CNTN3: variants seen among roughly 807,000 people sequenced by gnomAD.
CNTN3 encodes contactin-3.
CNTN3 carries 60 observed loss-of-function variants against 119.1 expected under a neutral mutation model. The ratio of observed to expected loss-of-function variants is 0.50; its 90% CI spans 0.41 to 0.62. The LOEUF (loss-of-function observed/expected upper bound fraction) is 0.62, where lower values mean the gene tolerates loss of function less well. Ranked by LOEUF, CNTN3 falls within the 20% of genes least tolerant of loss-of-function variation. The pLI, the probability that CNTN3 is intolerant of heterozygous loss-of-function variation, is 0.00. For missense variants in CNTN3, 1,101 were observed against 1,242.4 expected, an observed-to-expected ratio of 0.89 and a Z score of 1.71; for synonymous variants, 450 against 438.7, an observed-to-expected ratio of 1.03 and a Z score of -0.32.
intron 5 of CNTN3, among the ~76,000 whole-genome samples, chr3:74,422,595 C>A (rs1230132236): frequency 3.9e-5 from 6 of 152,154 alleles, no homozygotes; most frequent in African/African-American, 7.2e-5. Flanking sequence ...TCTGTGCATA[C>A]TTAGGCAACC....
At chr3:74,612,313 C>T (rs1331412930) in intron 1 of CNTN3, among the ~76,000 whole-genome samples, 1 of 152,208 alleles carries the variant, frequency 6.6e-6, no homozygotes, top group Non-Finnish European at 1.5e-5. Flanking sequence ...AAAGGAAAGG[C>T]TACAGCTTGT....
intron 1 of CNTN3, among the ~76,000 whole-genome samples, chr3:74,610,026 CAA>C (rs1393291489): frequency 6.6e-6 from 1 of 151,912 alleles, no homozygotes; most frequent in Non-Finnish European, 1.5e-5. Flanking sequence ...GAGTAGCAGT[CAA>C]AAACTCTATG....
At chr3:74,355,439 G>C (rs990833009) in intron 11 of CNTN3, among the ~76,000 whole-genome samples, 1 of 148,120 alleles carries the variant, frequency 6.8e-6, no homozygotes, top group Non-Finnish European at 1.5e-5. Context: ...CCATCTGCTG[G>C]TACCAGTGTT....
intron 1 of CNTN3, among the ~76,000 whole-genome samples, chr3:74,529,879 G>A (rs1487075530): frequency 1.3e-5 from 2 of 151,808 alleles, no homozygotes; most frequent in African/African-American, 2.4e-5. Flanking sequence ...ATCATGGAAG[G>A]AGAGTGATCT....
chr3:74,528,566 C>A (rs928383998), intron 1 of CNTN3, among the ~76,000 whole-genome samples: 2 of 151,752 alleles, frequency 1.3e-5, no homozygotes, highest in African/African-American at 2.4e-5. Flanking sequence ...TCTGTTATCA[C>A]CCCCCATTTT....
chr3:74,346,768 TCCA>T (rs1160561191), intron 11 of CNTN3, among the ~76,000 whole-genome samples: 2 of 151,728 alleles, frequency 1.3e-5, no homozygotes, highest in Non-Finnish European at 2.9e-5. Context: ...CATCCATCCA[TCCA>T]TCCATCCATC....
At chr3:74,600,531 G>A (rs941523727) in intron 1 of CNTN3, among the ~76,000 whole-genome samples, 1 of 152,038 alleles carries the variant, frequency 6.6e-6, no homozygotes, top group Non-Finnish European at 1.5e-5. Context: ...CTGGTAAAAT[G>A]CATTCTAAGA....
chr3:74,311,599 T>A (rs1702686351), intron 13 of CNTN3, among the ~76,000 whole-genome samples: 1 of 152,200 alleles, frequency 6.6e-6, no homozygotes, highest in Non-Finnish European at 1.5e-5. Context: ...AGTAGAATGA[T>A]TTTCTTTCTG....
intron 20 of CNTN3, among the ~76,000 whole-genome samples, chr3:74,279,596 G>A (rs1024338883): frequency 4.6e-5 from 7 of 151,236 alleles, no homozygotes; most frequent in African/African-American, 1.5e-4. Flanking sequence ...CTATGAGGAC[G>A]CAAAGGCGTA....
intron 4 of CNTN3, among the ~76,000 whole-genome samples, chr3:74,428,931 A>G (rs1701739941): frequency 6.6e-6 from 1 of 152,198 alleles, no homozygotes; most frequent in Admixed American, 6.5e-5. Context: ...TGCCTACAGT[A>G]TTAAGTAAAG....
intron 1 of CNTN3, among the ~76,000 whole-genome samples, chr3:74,570,397 A>G (rs1358638729): frequency 2.0e-5 from 3 of 152,108 alleles, no homozygotes; most frequent in Admixed American, 2.0e-4. Context: ...CTGTTCATGT[A>G]GAGAATTCTG....
At chr3:74,419,551 C>T (rs1701585015) in intron 5 of CNTN3, among the ~76,000 whole-genome samples, 1 of 152,222 alleles carries the variant, frequency 6.6e-6, no homozygotes, top group African/African-American at 2.4e-5. Flanking sequence ...TGGCATCTCA[C>T]ATTCTCGTTT....
chr3:74,610,111 T>C (rs926054016), intron 1 of CNTN3, among the ~76,000 whole-genome samples: 2 of 151,892 alleles, frequency 1.3e-5, no homozygotes, highest in African/African-American at 4.8e-5. Context: ...TCGTTTGAGT[T>C]CAGGAGTTCA....
At chr3:74,357,482 C>A (rs1457758148) in intron 11 of CNTN3, among the ~76,000 whole-genome samples, 1 of 151,918 alleles carries the variant, frequency 6.6e-6, no homozygotes, top group East Asian at 1.9e-4. Context: ...AGGGTTTCTC[C>A]ATGTTGGTTG....
rs576149046 is a variant in CNTN3, at chr3:74,461,624, T to C, written c.358+24832A>G. On this transcript the variant is annotated intron_variant, in intron 4 of 22. Coordinates refer to ENST00000263665, the MANE Select transcript of CNTN3 (RefSeq NM_020872.3). The stretch of plus-strand genomic sequence containing the variant: ...CATTTGTTTCCCAAACTAGATCCAT[T>C]GACATCATTAGTAAAATCTGCAATT... Among the ~76,000 whole-genome samples the C allele has an allele frequency of 5.6e-4, 85 of 152,224 alleles. 1 individual carries two copies. Among genetic ancestry groups the C allele is most frequent in the African/African-American group, 1.9e-3 (81 of 41,576 alleles).
At chr3:74,471,235 C>A (rs564536038) in intron 4 of CNTN3, among the ~76,000 whole-genome samples, 1 of 151,972 alleles carries the variant, frequency 6.6e-6, no homozygotes, top group East Asian at 1.9e-4. Flanking sequence ...AGGAGAAATA[C>A]CTAATGTAGG....
intron 4 of CNTN3, among the ~76,000 whole-genome samples, chr3:74,456,685 T>C (rs1042664674): frequency 3.3e-5 from 5 of 152,082 alleles, no homozygotes; most frequent in African/African-American, 1.2e-4. Context: ...GAACATTTCT[T>C]TAAATAGGAA....
At chr3:74,339,648 C>G (rs560843420) in intron 11 of CNTN3, among the ~76,000 whole-genome samples, 4 of 152,196 alleles carry the variant, frequency 2.6e-5, no homozygotes, top group South Asian at 4.1e-4. Context: ...AGGACAATAT[C>G]TAGCTCACTC....
chr3:74,333,803 A>G (rs1212924500), intron 13 of CNTN3, among the ~76,000 whole-genome samples: 1 of 152,208 alleles, frequency 6.6e-6, no homozygotes. Flanking sequence ...TACATTTAAT[A>G]AGAAGTCTTT....
Sources: allele counts gnomAD v4.1 joint callset (sites outside exome capture counted in the v4.1 genomes callset), GRCh38; gene constraint gnomAD v4.1.1; transcripts MANE v1.5; gene names NCBI Gene and HGNC (gene_info 2026-07-23, HGNC 2026-07-21).